Variants in ST7 observed in about 807,000 individuals in gnomAD.
The protein encoded by ST7 is suppressor of tumorigenicity 7 protein.
Under a neutral mutation model 78.7 loss-of-function variants are expected in ST7, and 28 were observed. That is an observed-to-expected ratio of 0.36 (90% CI 0.26 to 0.49). ST7 has a LOEUF of 0.49. ST7 is among the 20% of genes least tolerant of loss of function. The probability of loss-of-function intolerance (pLI) is 0.99; values close to 1 mark genes in which losing one functional copy is unlikely to be tolerated. For missense variants in ST7, 418 were observed against 696.0 expected, an observed-to-expected ratio of 0.60 and a Z score of 4.49; for synonymous variants, 247 against 249.6, an observed-to-expected ratio of 0.99 and a Z score of 0.10.
At chr7:117,229,659 T>A in intron 15 of ST7, 103 bp from the exon 16 acceptor site, 1 of 938,930 alleles carries the variant, frequency 1.1e-6, no homozygotes, top group East Asian at 2.4e-5. Context: ...TTTGAGACTT[T>A]CGTAATGCAG....
chr7:117,164,421 G>A (rs1310960719), intron 9 of ST7, among the ~76,000 whole-genome samples: 1 of 152,152 alleles, frequency 6.6e-6, no homozygotes, highest in Non-Finnish European at 1.5e-5. Flanking sequence ...AGAAACAATG[G>A]AAAATGGTGA....
intron 10 of ST7, among the ~76,000 whole-genome samples, chr7:117,180,250 C>G (rs887261737): frequency 6.6e-6 from 1 of 152,088 alleles, no homozygotes; most frequent in Non-Finnish European, 1.5e-5. Context: ...CCCATCAGTG[C>G]CTACCTACTT....
chr7:117,130,427 A>C, intron 4 of ST7, 64 bp from the exon 5 acceptor site: 1 of 1,204,860 alleles, frequency 8.3e-7, no homozygotes, highest in Non-Finnish European at 1.2e-6. Flanking sequence ...TCTGCAGCTT[A>C]ATATTTTATA....
At chr7:117,044,811 T>C (rs951887554) in intron 1 of ST7, among the ~76,000 whole-genome samples, 1 of 152,186 alleles carries the variant, frequency 6.6e-6, no homozygotes, top group African/African-American at 2.4e-5. Context: ...CCCGAATTCA[T>C]ATCTCTAGTC....
intron 1 of ST7, among the ~76,000 whole-genome samples, chr7:117,041,180 G>A (rs1398987450): frequency 2.6e-5 from 4 of 152,144 alleles, no homozygotes; most frequent in East Asian, 3.8e-4. Context: ...AAGGAGTTTC[G>A]AGATGTGTCA....
At chr7:117,161,595 T>TC (rs1273142624) in intron 9 of ST7, among the ~76,000 whole-genome samples, 27 of 143,876 alleles carry the variant, frequency 1.9e-4, no homozygotes, top group African/African-American at 6.9e-4. Flanking sequence ...TTCTTTCTTT[T>TC]TTTTTTTTTT....
In ST7 at chr7:117,099,748, CTT is replaced by C. The variant is rs772281894; in HGVS notation, c.152-11_152-10del. ...TCCTTGTTCTTCTCCCTTTCTCTCT[CTT>C]TTCTTTTTCAGTGAGCATGTTTTTG... On this transcript the variant is annotated splice_polypyrimidine_tract_variant and intron_variant, in intron 1 of 15. Coordinates refer to ENST00000323984, the MANE Select transcript of ST7 (RefSeq NM_001369598.1). 8.7e-6 allele frequency: 14 copies of C among 1,605,292 alleles called. No homozygotes were observed. The Admixed American group carries it at 1.5e-4, about 17-fold the overall frequency.
intron 10 of ST7, among the ~76,000 whole-genome samples, 193 bp downstream of exon 10, chr7:117,171,169 C>T (rs1474288413): frequency 6.6e-6 from 1 of 152,176 alleles, no homozygotes; most frequent in Non-Finnish European, 1.5e-5. Context: ...AGAAATGTCA[C>T]ATGGCATGTG....
At chr7:117,098,979 C>T (rs1190600127) in intron 1 of ST7, among the ~76,000 whole-genome samples, 1 of 139,284 alleles carries the variant, frequency 7.2e-6, no homozygotes, top group South Asian at 2.4e-4. Flanking sequence ...CAAGAAGGTG[C>T]CTGGGCTACT....
rs2429033 is a variant in ST7, at chr7:117,050,014, G to A, written c.152-49748G>A. Among the ~76,000 whole-genome samples, 1,262 of 151,178 alleles carry A rather than the reference G, an allele frequency of 8.3e-3. 17 individuals are homozygous for A. Among genetic ancestry groups the A allele is most frequent in the Non-Finnish European group, 0.013 (850 of 67,856 alleles). On this transcript the variant is annotated intron_variant, in intron 1 of 15. Transcript: ENST00000323984. ...GAGATCAGGAGATTGAGACCATCCC[G>A]GCTAACACGGTGAAACCCTGTCTCT...
At chr7:116,965,879 C>G (rs1415682157) in intron 1 of ST7, 1 of 194,796 alleles carries the variant, frequency 5.1e-6, no homozygotes, top group Admixed American at 5.8e-5. Context: ...TTGCTCAGTC[C>G]AAAGAGAAAA....
intron 9 of ST7, among the ~76,000 whole-genome samples, chr7:117,158,004 T>A (rs903464947): frequency 3.9e-5 from 6 of 152,206 alleles, no homozygotes; most frequent in African/African-American, 1.4e-4. Context: ...GCTTCTTTCC[T>A]GCCCTCCTCC....
At chr7:116,958,822 T>TA (rs554648888) in intron 1 of ST7, 4,509 of 293,586 alleles carry the variant, frequency 0.015, no homozygotes, top group South Asian at 0.027. Context: ...CCTTTATTGC[T>TA]AAAAAAAAAA....
chr7:117,194,697 C>T (rs539283967), intron 12 of ST7, among the ~76,000 whole-genome samples: 2 of 152,340 alleles, frequency 1.3e-5, no homozygotes, highest in South Asian at 2.1e-4. Context: ...ACCCTCACCA[C>T]GGTTCTATAC....
intron 15 of ST7, among the ~76,000 whole-genome samples, chr7:117,228,330 C>G (rs528721005): frequency 4.6e-5 from 7 of 152,182 alleles, no homozygotes; most frequent in Non-Finnish European, 1.0e-4. Flanking sequence ...CTTCGTGGCC[C>G]CCTCCATCAC....
At chr7:117,208,941 G>GTC (rs1792049685) in intron 12 of ST7, among the ~76,000 whole-genome samples, 1 of 144,722 alleles carries the variant, frequency 6.9e-6, no homozygotes, top group African/African-American at 2.6e-5. Context: ...GTGTGTGTGT[G>GTC]TGTCAGGGAT....
intron 1 of ST7, among the ~76,000 whole-genome samples, chr7:117,056,021 C>T (rs1267023502): frequency 2.0e-5 from 3 of 152,110 alleles, no homozygotes; most frequent in Non-Finnish European, 4.4e-5. Context: ...GGCTGGGAGT[C>T]GAGGCCAGTC....
chr7:117,132,100 AG>A, intron 6 of ST7, 140 bp downstream of exon 6: 1 of 862,580 alleles, frequency 1.2e-6, no homozygotes, highest in Non-Finnish European at 1.7e-6. Context: ...TATTTAAAAA[AG>A]TTTTTTTTTT....
chr7:116,967,597 G>A (rs866682186), intron 1 of ST7: 1 of 348,322 alleles, frequency 2.9e-6, no homozygotes, highest in Admixed American at 3.7e-5. Flanking sequence ...CTAGCAAAAA[G>A]GTCAACAGTC....
Sources: allele counts gnomAD v4.1 joint callset (sites outside exome capture counted in the v4.1 genomes callset), GRCh38; gene constraint gnomAD v4.1.1; transcripts MANE v1.5; gene names NCBI Gene and HGNC (gene_info 2026-07-23, HGNC 2026-07-21).